RPS3: variants seen among roughly 807,000 people sequenced by gnomAD.
RPS3 encodes small ribosomal subunit protein uS3.
A neutral mutation model predicts 25.8 loss-of-function variants in RPS3; 2 were observed. The ratio of observed to expected loss-of-function variants is 0.08; its 90% CI spans 0.03 to 0.24. The LOEUF is 0.24. Ranked by LOEUF, RPS3 falls within the 10% of genes least tolerant of loss-of-function variation. The pLI is 1.00. For missense variants in RPS3, 107 were observed against 307.1 expected (o/e 0.35, Z 4.87); for synonymous variants, 114 against 114.2 (o/e 1.00, Z 0.01).
At chr11:75,410,587 G>A (rs1359139225), downstream of RPS3, among the ~76,000 whole-genome samples, 6 of 152,036 alleles carry the variant, frequency 3.9e-5, no homozygotes, top group African/African-American at 1.5e-4. Flanking sequence ...CAGACGGGGT[G>A]GCGGCCGGGC....
downstream of RPS3, among the ~76,000 whole-genome samples, chr11:75,408,452 C>T (rs1247246371): frequency 6.6e-6 from 1 of 151,998 alleles, no homozygotes; most frequent in Non-Finnish European, 1.5e-5. Flanking sequence ...CCAGCCCAAC[C>T]TGGGTGACAG....
At chr11:75,416,311 A>T (rs1948397996) in intron 6 of RPS3, among the ~76,000 whole-genome samples, 1 of 152,172 alleles carries the variant, frequency 6.6e-6, no homozygotes, top group Non-Finnish European at 1.5e-5. Flanking sequence ...TCCCCATCCC[A>T]ACTGTACGTG....
At chr11:75,419,845 G>C (rs1477436418) in intron 6 of RPS3, among the ~76,000 whole-genome samples, 4 of 152,142 alleles carry the variant, frequency 2.6e-5, no homozygotes, top group African/African-American at 9.7e-5. Flanking sequence ...TGTTAGCCAG[G>C]CTGGTCTTGA....
chr11:75,415,136 A>T (rs557512585), intron 6 of RPS3, among the ~76,000 whole-genome samples: 2 of 152,280 alleles, frequency 1.3e-5, no homozygotes, highest in South Asian at 4.1e-4. Context: ...GCGAGTGGGA[A>T]CACCTTCCTC....
At chr11:75,418,844 A>G (rs1400509784) in intron 6 of RPS3, among the ~76,000 whole-genome samples, 1 of 152,170 alleles carries the variant, frequency 6.6e-6, no homozygotes, top group African/African-American at 2.4e-5. Context: ...TCCACCGAGC[A>G]GGGAGTTCCA....
chr11:75,422,278 G>T (rs763093779), exon 7 of RPS3: 7 of 269,476 alleles, frequency 2.6e-5, no homozygotes, highest in Non-Finnish European at 4.2e-5. Flanking sequence ...AGAACTGTGA[G>T]AAATAAATTT....
At chr11:75,410,740 T>C (rs1948348615), downstream of RPS3, among the ~76,000 whole-genome samples, 1 of 152,088 alleles carries the variant, frequency 6.6e-6, no homozygotes, top group African/African-American at 2.4e-5. Context: ...TCCCGGCACC[T>C]CGGGAGGCCG....
At chr11:75,410,900 A>G (rs962001163), downstream of RPS3, among the ~76,000 whole-genome samples, 5 of 151,914 alleles carry the variant, frequency 3.3e-5, no homozygotes, top group African/African-American at 1.2e-4. Context: ...ATTTTTTGAG[A>G]CAGTCTCGCT....
intron 6 of RPS3, among the ~76,000 whole-genome samples, chr11:75,412,748 A>T (rs993505525): frequency 4.6e-5 from 7 of 152,200 alleles, no homozygotes; most frequent in Admixed American, 1.3e-4. Flanking sequence ...TGAAATAAAG[A>T]TGATACTAAT....
chr11:75,404,420 C>G lies in RPS3; in HGVS notation c.538+213C>G. On this transcript the variant is annotated intron_variant, in intron 5 of 6. Transcript: ENST00000531188. This position sits in a 1 kb window ranked among gnomAD's most constrained non-coding sequence, Gnocchi z 4.6. ...GTCCTTGTTTTAGCCATCTGTGTAC[C>G]CTTCAGTGATGACACGATGACGAGT... 1 of 784,190 alleles carries G rather than the reference C, an allele frequency of 1.3e-6. No homozygotes were observed. Among genetic ancestry groups the G allele is most frequent in the Non-Finnish European group, 2.3e-6 (1 of 432,504 alleles). 48.6% of individuals were successfully genotyped at this position (784,190 alleles called of 1,614,324 possible).
At chr11:75,417,593 T>TCA (rs560522885) in intron 6 of RPS3, among the ~76,000 whole-genome samples, 4 of 152,092 alleles carry the variant, frequency 2.6e-5, no homozygotes, top group African/African-American at 4.8e-5. Flanking sequence ...TGAGACTCCG[T>TCA]CACACACACA....
intron 3 of RPS3, 110 bp from the exon 4 acceptor site, chr11:75,402,242 T>G: frequency 1.3e-6 from 2 of 1,537,820 alleles, no homozygotes; most frequent in Admixed American, 1.7e-5. Context: ...GGCCCGTGGG[T>G]TGGGCAAGCT....
In RPS3 at chr11:75,406,558, C is replaced by T. The variant is rs888257516; in HGVS notation, c.*948C>T. ...TGCACATGGTGTTTATATTGCTTGGCACATGGTAAGGGCTTAATATTTGAG... is the reference window on the plus strand; with the variant it reads ...TGCACATGGTGTTTATATTGCTTGGTACATGGTAAGGGCTTAATATTTGAG... On this transcript the variant is annotated 3_prime_UTR_variant, in exon 7 of 7. Transcript: ENST00000531188. 3 of 152,168 alleles carry T rather than the reference C, an allele frequency of 2.0e-5. No individual in the cohort carries two copies. Among genetic ancestry groups the T allele is most frequent in the African/African-American group, 7.2e-5 (3 of 41,448 alleles). 9.4% of individuals were successfully genotyped at this position (152,168 alleles called of 1,614,324 possible).
chr11:75,408,550 A>G (rs1484776362), downstream of RPS3, among the ~76,000 whole-genome samples: 1 of 151,922 alleles, frequency 6.6e-6, no homozygotes, highest in African/African-American at 2.4e-5. Flanking sequence ...GCAGTGGCTC[A>G]TGTCTGTAAT....
intron 6 of RPS3, among the ~76,000 whole-genome samples, chr11:75,413,457 C>T (rs1042752567): frequency 6.6e-5 from 10 of 152,044 alleles, no homozygotes; most frequent in African/African-American, 1.7e-4. Context: ...AGGGTTTCAC[C>T]GTGTTAGCCA....
chr11:75,404,011 CT>C lies in RPS3; in HGVS notation c.351-5del, dbSNP rs1181650446. On this transcript the variant is annotated splice_region_variant and splice_polypyrimidine_tract_variant and intron_variant, in intron 4 of 6. Transcript: ENST00000531188. This position sits in a 1 kb window ranked among gnomAD's most constrained non-coding sequence, Gnocchi z 4.6. Reference sequence around the variant, plus strand: ...AATAACACAGTGGCTCTCTTCTGTTCTTTTAAAGGGCCTGCTATGGTGTGCT... The same window carrying C: ...AATAACACAGTGGCTCTCTTCTGTTCTTTAAAGGGCCTGCTATGGTGTGCT... 1.2e-6 allele frequency: 2 copies of C among 1,610,562 alleles called. No homozygotes were observed. The highest frequency in any genetic ancestry group is 3.3e-5 in the Admixed American group (2 of 59,716).
At chr11:75,410,408 G>A (rs547162276), downstream of RPS3, among the ~76,000 whole-genome samples, 638 of 151,818 alleles carry the variant, frequency 4.2e-3, 11 homozygotes, top group Middle Eastern at 6.8e-3. Flanking sequence ...GGGCAGAGAC[G>A]CTGCTCACTT....
downstream of RPS3, among the ~76,000 whole-genome samples, chr11:75,410,057 C>T (rs1592029132): frequency 7.3e-6 from 1 of 137,866 alleles, no homozygotes; most frequent in African/African-American, 2.8e-5. Flanking sequence ...GGCGGCTGGC[C>T]AGGCGGGGGG....
intron 6 of RPS3, among the ~76,000 whole-genome samples, chr11:75,414,472 G>A (rs1237632507): frequency 4.6e-5 from 7 of 152,186 alleles, no homozygotes; most frequent in East Asian, 1.9e-4. Flanking sequence ...TTAGCCAGGC[G>A]TGGTGGTGGA....
Sources: gnomAD v4.1 joint callset for allele counts (sites outside exome capture counted in the v4.1 genomes callset) on GRCh38, gnomAD v4.1.1 for gene constraint, Gnocchi (gnomAD v3.1) non-coding constraint, MANE v1.5 for transcripts, NCBI Gene and HGNC (gene_info 2026-07-23, HGNC 2026-07-21) for gene names.